PRKCA: variants seen among roughly 807,000 people sequenced by gnomAD.
PRKCA encodes the protein protein kinase C alpha type.
Under a neutral mutation model 87.0 loss-of-function variants are expected in PRKCA, and 27 were observed. The observed-to-expected ratio is 0.31, with a 90% confidence interval of 0.23 to 0.43. The LOEUF (loss-of-function observed/expected upper bound fraction) is 0.43. PRKCA is among the 20% of genes least tolerant of loss of function. PRKCA has a pLI of 1.00. For missense variants in PRKCA, 518 were observed against 852.3 expected (o/e 0.61, Z 4.88); for synonymous variants, 329 against 311.1 (o/e 1.06, Z -0.61).
At chr17:66,427,177 G>A (rs1256545316) in intron 2 of PRKCA, among the ~76,000 whole-genome samples, 2 of 152,112 alleles carry the variant, frequency 1.3e-5, no homozygotes, top group Non-Finnish European at 2.9e-5. Flanking sequence ...GACTACAGGT[G>A]TGTGCCACCA....
chr17:66,594,878 GAATT>G (rs1278955992), intron 3 of PRKCA, among the ~76,000 whole-genome samples: 1 of 152,112 alleles, frequency 6.6e-6, no homozygotes, highest in Non-Finnish European at 1.5e-5. Flanking sequence ...CTCACTGAGG[GAATT>G]AATTAATGTC....
At chr17:66,720,684 T>C (rs1163407016) in intron 8 of PRKCA, among the ~76,000 whole-genome samples, 1 of 152,240 alleles carries the variant, frequency 6.6e-6, no homozygotes, top group Non-Finnish European at 1.5e-5. Context: ...CCATCAGTGT[T>C]GTTTTGCCAG....
At chr17:66,698,394 A>G (rs1567982554) in intron 8 of PRKCA, among the ~76,000 whole-genome samples, 1 of 152,174 alleles carries the variant, frequency 6.6e-6, no homozygotes, top group Non-Finnish European at 1.5e-5. Context: ...AAAAGATTAT[A>G]AATCATTTTT....
chr17:66,773,947 A>C, intron 13 of PRKCA, 40 bp from the exon 14 acceptor site: 1 of 1,612,846 alleles, frequency 6.2e-7, no homozygotes. Context: ...GGGCTATTGG[A>C]CTTACCACTA....
At chr17:66,784,950 G>A (rs994723930) in intron 14 of PRKCA, among the ~76,000 whole-genome samples, 3 of 152,222 alleles carry the variant, frequency 2.0e-5, no homozygotes, top group African/African-American at 7.2e-5. Context: ...CCCCTGCCCT[G>A]TTCTGAGTCC....
intron 3 of PRKCA, among the ~76,000 whole-genome samples, chr17:66,574,749 C>G (rs928328673): frequency 6.6e-6 from 1 of 151,660 alleles, no homozygotes; most frequent in Non-Finnish European, 1.5e-5. Flanking sequence ...TCCTAAATTC[C>G]AAGCACTTCT....
chr17:66,548,568 T>A (rs55907331), intron 3 of PRKCA, among the ~76,000 whole-genome samples: 17,807 of 152,074 alleles, frequency 0.12, 1,262 homozygotes, highest in African/African-American at 0.19. Context: ...GTGTCCTGAG[T>A]GGTGGCCCTC....
intron 3 of PRKCA, among the ~76,000 whole-genome samples, chr17:66,608,631 A>G (rs1463847484): frequency 2.0e-5 from 3 of 152,228 alleles, no homozygotes; most frequent in East Asian, 3.9e-4. Flanking sequence ...CTCTTTAGGA[A>G]GAAAACAAAC....
intron 2 of PRKCA, among the ~76,000 whole-genome samples, chr17:66,370,408 C>G (rs575805614): frequency 2.2e-4 from 33 of 151,232 alleles, no homozygotes; most frequent in Non-Finnish European, 3.8e-4. Flanking sequence ...TTTTGATAAG[C>G]TTTAATGACA....
At chr17:66,496,320 G>A (rs1376094555) in intron 3 of PRKCA, 37 bp downstream of exon 3, 4 of 1,549,842 alleles carry the variant, frequency 2.6e-6, no homozygotes, top group East Asian at 4.5e-5. Flanking sequence ...ATGTCAATGT[G>A]GATTTCTGAG....
intron 14 of PRKCA, among the ~76,000 whole-genome samples, chr17:66,778,982 T>C (rs1257946739): frequency 6.6e-6 from 1 of 152,156 alleles, no homozygotes. Context: ...CAAATCCCCT[T>C]CTTCATCTTT....
intron 3 of PRKCA, among the ~76,000 whole-genome samples, chr17:66,633,203 G>A (rs1422279837): frequency 6.6e-6 from 1 of 151,962 alleles, no homozygotes; most frequent in South Asian, 2.1e-4. Flanking sequence ...TAATTACAGT[G>A]GTCCCCAAGT....
At chr17:66,751,060 C>T (rs1189932952) in intron 13 of PRKCA, among the ~76,000 whole-genome samples, 4 of 152,096 alleles carry the variant, frequency 2.6e-5, no homozygotes, top group Non-Finnish European at 5.9e-5. Flanking sequence ...TTTAATTAGC[C>T]CTTTATTTAG....
chr17:66,748,262 T>G (rs1974344878), intron 13 of PRKCA, among the ~76,000 whole-genome samples: 1 of 152,200 alleles, frequency 6.6e-6, no homozygotes, highest in Admixed American at 6.5e-5. Flanking sequence ...CACTGATGCC[T>G]GGGACAGCAG....
chr17:66,654,801 T>C (rs1319819204), intron 5 of PRKCA, among the ~76,000 whole-genome samples: 1 of 152,164 alleles, frequency 6.6e-6, no homozygotes, highest in Non-Finnish European at 1.5e-5. Context: ...GAAATAAAAA[T>C]GGCAGCAGGG....
At chr17:66,378,729 G>C (rs947492283) in intron 2 of PRKCA, among the ~76,000 whole-genome samples, 1 of 151,678 alleles carries the variant, frequency 6.6e-6, no homozygotes, top group Non-Finnish European at 1.5e-5. Flanking sequence ...TGTGAAACCC[G>C]GTCTCTACTA....
chr17:66,712,001 G>T (rs1238088392), intron 8 of PRKCA, among the ~76,000 whole-genome samples: 1 of 152,104 alleles, frequency 6.6e-6, no homozygotes. Context: ...GGCTTCTGTT[G>T]TTACTGCCCC....
chr17:66,499,462 A>G (rs1916631999), intron 3 of PRKCA, among the ~76,000 whole-genome samples: 1 of 152,210 alleles, frequency 6.6e-6, no homozygotes, highest in South Asian at 2.1e-4. Flanking sequence ...GTAAAGGACA[A>G]TCTTATTTAC....
At chr17:66,350,863 A>G (rs1907700407) in intron 2 of PRKCA, among the ~76,000 whole-genome samples, 1 of 152,162 alleles carries the variant, frequency 6.6e-6, no homozygotes. Context: ...TTCCATGAGC[A>G]TTCGTGTGCA....
Sources: gnomAD v4.1 joint callset for allele counts (sites outside exome capture counted in the v4.1 genomes callset) on GRCh38, gnomAD v4.1.1 for gene constraint, MANE v1.5 for transcripts, NCBI Gene and HGNC (gene_info 2026-07-23, HGNC 2026-07-21) for gene names.